The following VAMP1 variants were observed in gnomAD, a reference collection of about 807,000 sequenced individuals.
VAMP1 encodes the protein vesicle-associated membrane protein 1.
A neutral mutation model predicts 19.1 loss-of-function variants in VAMP1; 16 were observed. That is an observed-to-expected ratio of 0.84 (90% CI 0.57 to 1.27). VAMP1 has a LOEUF of 1.27. Among genes scored for constraint, VAMP1 ranks in the 50% most tolerant of loss-of-function variants. VAMP1 has a pLI of 0.00. For missense variants in VAMP1, 109 were observed against 145.4 expected (o/e 0.75, Z 1.29); for synonymous variants, 37 against 50.2 (o/e 0.74, Z 1.11).
chr12:6,462,437 G>A lies in VAMP1; in HGVS notation c.*2033C>T. 2 of 491,216 alleles carry A rather than the reference G, an allele frequency of 4.1e-6. No individual in the cohort carries two copies. Among genetic ancestry groups the A allele is most frequent in the Non-Finnish European group, 7.2e-6 (2 of 276,028 alleles). 30.4% of individuals were successfully genotyped at this position (491,216 alleles called of 1,614,324 possible). ...CGTCTCATGGCAAACCGAAGAACGGGATGTGGGAAGCTCAGCTTCATTTGA... is the reference window on the plus strand; with the variant it reads ...CGTCTCATGGCAAACCGAAGAACGGAATGTGGGAAGCTCAGCTTCATTTGA... On this transcript the variant is annotated 3_prime_UTR_variant, in exon 5 of 5. Coordinates refer to ENST00000396308, the MANE Select transcript of VAMP1 (RefSeq NM_014231.5).
chr12:6,465,241 A>G, intron 3 of VAMP1: 1 of 458,040 alleles, frequency 2.2e-6, no homozygotes, highest in Admixed American at 2.7e-5. Flanking sequence ...GACTCTGGAT[A>G]TTTAACCAAT....
chr12:6,470,454 T>A, intron 1 of VAMP1, 76 bp downstream of exon 1: 3 of 1,606,338 alleles, frequency 1.9e-6, no homozygotes, highest in Non-Finnish European at 2.6e-6. Flanking sequence ...TGCGCCATTT[T>A]CCGTCCCGCA....
At chr12:6,466,139 C>G in intron 2 of VAMP1, 86 bp downstream of exon 2, 1 of 1,610,282 alleles carries the variant, frequency 6.2e-7, no homozygotes, top group Non-Finnish European at 8.5e-7. Flanking sequence ...TATTCTCCTA[C>G]GAAAAAAGGA....
In VAMP1 at chr12:6,463,378, G is replaced by A. The variant is rs531264176; in HGVS notation, c.*1092C>T. ...CTTCTCTGCATCCTGAGGATCGGCC[G>A]GGCCCCAGGAAGAACCACTTGCCTC... On this transcript the variant is annotated 3_prime_UTR_variant, in exon 5 of 5. Transcript: ENST00000396308. The surrounding 1 kb of genome is among the most constrained non-coding windows in gnomAD (Gnocchi z 4.0). 205 of 1,087,916 alleles carry A rather than the reference G, an allele frequency of 1.9e-4. No homozygotes were observed. The highest frequency in any genetic ancestry group is 1.3e-3 in the Middle Eastern group (3 of 2,286). 67.4% of individuals were successfully genotyped at this position (1,087,916 alleles called of 1,614,324 possible).
In VAMP1 at chr12:6,463,976, C is replaced by T. The variant is rs2137001825; in HGVS notation, c.*494G>A. 7.7e-7 allele frequency: 1 copy of T among 1,290,772 alleles called. No homozygotes were observed. Among genetic ancestry groups the T allele is most frequent in the Non-Finnish European group, 1.0e-6 (1 of 989,812 alleles). The allele number at this position is 1,290,772 out of a possible 1,614,324, so 80.0% of individuals were successfully genotyped here. ...TGGACTTTGGTCCACCCCCAGGACC[C>T]TCTTCAGGCCTGGTCCAGGAAGGAA... On this transcript the variant is annotated 3_prime_UTR_variant, in exon 5 of 5. Coordinates refer to ENST00000396308, the MANE Select transcript of VAMP1 (RefSeq NM_014231.5). This position sits in a 1 kb window ranked among gnomAD's most constrained non-coding sequence, Gnocchi z 4.0.
chr12:6,464,321 T>A lies in VAMP1; in HGVS notation c.*149A>T. 1 of 1,547,446 alleles carries A rather than the reference T, an allele frequency of 6.5e-7. No individual in the cohort carries two copies. Among genetic ancestry groups the A allele is most frequent in the Non-Finnish European group, 8.7e-7 (1 of 1,145,060 alleles). On this transcript the variant is annotated 3_prime_UTR_variant, in exon 5 of 5. Coordinates refer to ENST00000396308, the MANE Select transcript of VAMP1 (RefSeq NM_014231.5). ...CTAGTGTTGAGGGACAGAGTGCAAA[T>A]GAACGCAACGAAAAAGGAGGAATGG...
In VAMP1 at chr12:6,464,028, G is replaced by T. The variant is rs1041812985; in HGVS notation, c.*442C>A. 7.7e-7 allele frequency: 1 copy of T among 1,294,560 alleles called. No homozygotes were observed. The highest frequency in any genetic ancestry group is 1.5e-5 in the African/African-American group (1 of 66,096). The allele number at this position is 1,294,560 out of a possible 1,614,324, so 80.2% of individuals were successfully genotyped here. A position where few individuals can be genotyped will look rare whatever the true frequency, so the allele number is the denominator to read the frequency against. ...GCTCCACATGACCAGGCAGTACTGA[G>T]TGAGCTGCCATCTTCCCAGCCCCTC... On this transcript the variant is annotated 3_prime_UTR_variant, in exon 5 of 5. Transcript: ENST00000396308.
intron 4 of VAMP1, 71 bp downstream of exon 4, chr12:6,464,819 C>A: frequency 6.2e-7 from 1 of 1,606,704 alleles, no homozygotes. Context: ...CCCAGGCAGG[C>A]AGGCAGGCAG....
In VAMP1 at chr12:6,462,987, G is replaced by A. The variant is rs1188094678; in HGVS notation, c.*1483C>T. 4 of 1,551,036 alleles carry A rather than the reference G, an allele frequency of 2.6e-6. No homozygotes were observed. The South Asian group carries it at 3.6e-5, about 14-fold the overall frequency. On this transcript the variant is annotated 3_prime_UTR_variant, in exon 5 of 5. Coordinates refer to ENST00000396308, the MANE Select transcript of VAMP1 (RefSeq NM_014231.5). ...GCCTCTTCCTGTTCGTGGACCGAGG[G>A]AAGAAGGAATAAAGGGCCATGGGCA...
rs1389552528 is a variant in VAMP1 at position 6,462,855 on chromosome 12, G to A, written c.*1615C>T. The A allele has an allele frequency of 6.9e-6, 11 of 1,605,756 alleles. No homozygotes were observed. The highest frequency in any genetic ancestry group is 1.3e-5 in the African/African-American group (1 of 74,820). Reference sequence around the variant, plus strand: ...CTTCAGTCCCGCCCTTGGGCAGGACGAAGGGAATGTGGGAAACAAGGGCGA... The same window carrying A: ...CTTCAGTCCCGCCCTTGGGCAGGACAAAGGGAATGTGGGAAACAAGGGCGA... On this transcript the variant is annotated 3_prime_UTR_variant, in exon 5 of 5. Transcript: ENST00000396308.
intron 1 of VAMP1, 27 bp from the exon 2 acceptor site, chr12:6,466,378 C>A: frequency 6.3e-7 from 1 of 1,594,496 alleles, no homozygotes; most frequent in Non-Finnish European, 8.5e-7. Context: ...GCAGAGTACA[C>A]AAAGTGACCA....
intron 1 of VAMP1, among the ~76,000 whole-genome samples, chr12:6,468,068 G>A (rs1945674433): frequency 6.6e-6 from 1 of 152,216 alleles, no homozygotes. Flanking sequence ...TGTGGGGTTG[G>A]AGCCCCCACA....
rs1468398435 is a variant in VAMP1, at chr12:6,462,838, C to T, written c.*1632G>A. The T allele has an allele frequency of 6.2e-7, 1 of 1,606,148 alleles. No individual in the cohort carries two copies. Among genetic ancestry groups the T allele is most frequent in the African/African-American group, 1.3e-5 (1 of 74,790 alleles). ...ACTGCTTTCTTCCAGCTCTTCAGTCCCGCCCTTGGGCAGGACGAAGGGAAT... is the reference window on the plus strand; with the variant it reads ...ACTGCTTTCTTCCAGCTCTTCAGTCTCGCCCTTGGGCAGGACGAAGGGAAT... On this transcript the variant is annotated 3_prime_UTR_variant, in exon 5 of 5. Coordinates refer to ENST00000396308, the MANE Select transcript of VAMP1 (RefSeq NM_014231.5).
intron 1 of VAMP1, among the ~76,000 whole-genome samples, chr12:6,468,823 C>T (rs1945696672): frequency 6.6e-6 from 1 of 152,134 alleles, no homozygotes; most frequent in African/African-American, 2.4e-5. Flanking sequence ...CAAGGAAGCA[C>T]CCACAGGCAG....
chr12:6,465,524 T>C (rs1023823975), intron 3 of VAMP1, among the ~76,000 whole-genome samples: 9 of 150,068 alleles, frequency 6.0e-5, no homozygotes, highest in African/African-American at 2.0e-4. Context: ...TGTGCTGATG[T>C]TGGGTGTGTC....
rs761303589 is a variant in VAMP1 at position 6,464,906 on chromosome 12, G to A, written c.324C>T (p.Ile108=). Residue 108 remains isoleucine (I), a synonymous_variant, in exon 4 of 5, where the codon ATC becomes ATT. Coordinates refer to ENST00000396308, the MANE Select transcript of VAMP1 (RefSeq NM_014231.5). ...MIMLGAICAI[I]VVVIVIYFFT ...GATACTTACTTACAATAACTACCACGATGATGGCACAGATGGCTCCCAGCA... is the reference window on the plus strand; with the variant it reads ...GATACTTACTTACAATAACTACCACAATGATGGCACAGATGGCTCCCAGCA... 8.7e-6 allele frequency: 14 copies of A among 1,613,756 alleles called. No individual in the cohort carries two copies. Among genetic ancestry groups the A allele is most frequent in the African/African-American group, 2.7e-5 (2 of 74,870 alleles).
chr12:6,462,964 C>T lies in VAMP1; in HGVS notation c.*1506G>A. ...AGACCCTGCCCAGCATGGCCTCAGCCTCTTCCTGTTCGTGGACCGAGGGAA... is the reference window on the plus strand; with the variant it reads ...AGACCCTGCCCAGCATGGCCTCAGCTTCTTCCTGTTCGTGGACCGAGGGAA... On this transcript the variant is annotated 3_prime_UTR_variant, in exon 5 of 5. Transcript: ENST00000396308. 3.9e-6 allele frequency: 6 copies of T among 1,553,040 alleles called. No homozygotes were observed. Among genetic ancestry groups the T allele is most frequent in the Non-Finnish European group, 4.4e-6 (5 of 1,147,854 alleles).
intron 4 of VAMP1, 47 bp downstream of exon 4, chr12:6,464,843 G>C (rs1372420956): frequency 1.2e-6 from 2 of 1,613,062 alleles, no homozygotes; most frequent in Non-Finnish European, 8.5e-7. Context: ...GAAGACTCCA[G>C]GACCTTCCCA....
chr12:6,464,434 G>T lies in VAMP1; in HGVS notation c.*36C>A, dbSNP rs1406140660. On this transcript the variant is annotated 3_prime_UTR_variant, in exon 5 of 5. Coordinates refer to ENST00000396308, the MANE Select transcript of VAMP1 (RefSeq NM_014231.5). ...ACAGAGGGCAGAGGACATGAATGTG[G>T]ATGGCAATGGACAACAGGGAAGGGG... 1.9e-6 allele frequency: 3 copies of T among 1,565,168 alleles called. No homozygotes were observed. The highest frequency in any genetic ancestry group is 1.9e-5 in the Admixed American group (1 of 52,822).
Sources: gnomAD v4.1 joint callset for allele counts (sites outside exome capture counted in the v4.1 genomes callset) on GRCh38, gnomAD v4.1.1 for gene constraint, Gnocchi (gnomAD v3.1) non-coding constraint, MANE v1.5 for transcripts, NCBI Gene and HGNC (gene_info 2026-07-23, HGNC 2026-07-21) for gene names.